Variants in MTA3 observed in about 807,000 individuals in gnomAD.
The protein encoded by MTA3 is metastasis-associated protein MTA3.
Under a neutral mutation model 83.5 loss-of-function variants are expected in MTA3, and 34 were observed. That is an observed-to-expected ratio of 0.41 (90% CI 0.31 to 0.54). The LOEUF is 0.54. MTA3 is among the 20% of genes least tolerant of loss of function. The probability of loss-of-function intolerance (pLI) is 0.33; values close to 1 mark genes in which losing one functional copy is unlikely to be tolerated. For synonymous variants in MTA3, 303 were observed against 252.7 expected (o/e 1.20, Z -1.89); for missense variants, 761 against 726.4 (o/e 1.05, Z -0.55).
Position 42,680,877 on chromosome 2 carries a change from T to C in MTA3, c.703-1524T>C, listed in dbSNP as rs554280752. On this transcript the variant is annotated intron_variant, in intron 8 of 16. Coordinates refer to ENST00000405094, the MANE Select transcript of MTA3 (RefSeq NM_001330442.2). ...AAGTGATTTTCTCATCTCAGACTCC[T>C]GAGTAGCTGGGATTACAGGCAATAT... is the stretch of plus-strand genomic sequence containing the variant. Among the ~76,000 whole-genome samples the C allele has an allele frequency of 6.6e-5, 10 of 151,704 alleles. No individual in the cohort carries two copies. The South Asian group carries it at 2.1e-3, about 32-fold the overall frequency.
At chr2:42,612,795 A>T (rs1684385136) in intron 4 of MTA3, among the ~76,000 whole-genome samples, 1 of 152,148 alleles carries the variant, frequency 6.6e-6, no homozygotes, top group African/African-American at 2.4e-5. Context: ...TGGGAGGTGA[A>T]GGTTGCAGTG....
intron 13 of MTA3, among the ~76,000 whole-genome samples, chr2:42,708,356 C>T (rs1273205256): frequency 6.6e-6 from 1 of 152,174 alleles, no homozygotes; most frequent in Non-Finnish European, 1.5e-5. Context: ...CCTTTACATT[C>T]TGTTGAAGGC....
chr2:42,546,177 G>T (rs1037015739), intron 2 of MTA3, among the ~76,000 whole-genome samples: 1 of 152,084 alleles, frequency 6.6e-6, no homozygotes, highest in Non-Finnish European at 1.5e-5. Context: ...CAATGGAGGC[G>T]CCTGGTGACT....
intron 16 of MTA3, among the ~76,000 whole-genome samples, chr2:42,753,103 T>A (rs1670005991): frequency 6.6e-6 from 1 of 152,170 alleles, no homozygotes. Context: ...CTTTTTATTT[T>A]TATTTTGGTA....
At chr2:42,581,614 C>T (rs565359675) in intron 3 of MTA3, among the ~76,000 whole-genome samples, 1 of 151,178 alleles carries the variant, frequency 6.6e-6, no homozygotes, top group Non-Finnish European at 1.5e-5. Context: ...AACTATTGGC[C>T]TCAAGCAGTC....
rs934623668 is a variant in MTA3 at position 42,574,131 on chromosome 2, C to T, written c.96+3627C>T. On this transcript the variant is annotated intron_variant, in intron 2 of 16. Transcript: ENST00000405094. ...GATTACAGGTGTGAGCCACCGCGCC[C>T]GGCTTTTTTTTTTTTTTTCTGAGGC... 1.4e-4 allele frequency among the ~76,000 whole-genome samples: 20 copies of T among 147,658 alleles called. No individual in the cohort carries two copies. In the East Asian group the frequency reaches 2.0e-3, roughly 15 times the overall value.
At position 42,756,528 on chromosome 2, in the gene MTA3, C is replaced by T; in HGVS notation, c.*3129C>T. 1 of 985,794 alleles carries T rather than the reference C, an allele frequency of 1.0e-6. No homozygotes were observed. Among genetic ancestry groups the T allele is most frequent in the African/African-American group, 1.7e-5 (1 of 57,352 alleles). The allele number at this position is 985,794 out of a possible 1,614,324, so 61.1% of individuals were successfully genotyped here. On this transcript the variant is annotated 3_prime_UTR_variant, in exon 17 of 17. Coordinates refer to ENST00000405094, the MANE Select transcript of MTA3 (RefSeq NM_001330442.2). ...ATGTCTGAGCCTGGTGTTTATGCCCCACTGCTGTCCTAAGTCCCTGGCGAG... is the reference window on the plus strand; with the variant it reads ...ATGTCTGAGCCTGGTGTTTATGCCCTACTGCTGTCCTAAGTCCCTGGCGAG...
intron 2 of MTA3, among the ~76,000 whole-genome samples, chr2:42,556,539 C>T (rs1049226747): frequency 1.3e-5 from 2 of 152,196 alleles, no homozygotes; most frequent in Non-Finnish European, 2.9e-5. Context: ...ATAATGCATC[C>T]GATCCCAGCA....
Position 42,756,127 on chromosome 2 carries a change from G to C in MTA3, c.*2728G>C, listed in dbSNP as rs1232266569. ...GGAGTGAGGGGCAACCCAGAGGTGG[G>C]GAACAACAACAGCAAGCCGCCCCCA... On this transcript the variant is annotated 3_prime_UTR_variant, in exon 17 of 17. Coordinates refer to ENST00000405094, the MANE Select transcript of MTA3 (RefSeq NM_001330442.2). 1.6e-6 allele frequency: 1 copy of C among 635,832 alleles called. No homozygotes were observed. The highest frequency in any genetic ancestry group is 2.0e-5 in the African/African-American group (1 of 50,574). 39.4% of individuals were successfully genotyped at this position (635,832 alleles called of 1,614,324 possible). A position where few individuals can be genotyped will look rare whatever the true frequency, so the allele number is the denominator to read the frequency against.
At position 42,550,876 on chromosome 2, in the gene MTA3, T is replaced by TA. The variant is rs201810782; in HGVS notation, c.-140-19560dup. Reference sequence around the variant, plus strand: ...GGCCAACATGGCGAAACCCCATCTCTACTAAAAATACAAAAATTAGCCGGG... The same window carrying TA: ...GGCCAACATGGCGAAACCCCATCTCTAACTAAAAATACAAAAATTAGCCGGG... On this transcript the variant is annotated intron_variant, in intron 2 of 17. Transcript: ENST00000405592. Among the ~76,000 whole-genome samples, 882 of 152,044 alleles carry TA rather than the reference T, an allele frequency of 5.8e-3. 6 individuals carry two copies. Among genetic ancestry groups the TA allele is most frequent in the African/African-American group, 0.02 (847 of 41,500 alleles).
intron 2 of MTA3, among the ~76,000 whole-genome samples, chr2:42,571,386 C>CAAAAAAAAAAAAAAAAAAAAAAAAAAA (rs34003791): frequency 1.6e-5 from 1 of 63,806 alleles, no homozygotes. Flanking sequence ...AACACTGTCT[C>CAAAAAAAAAAAAAAAAAAAAAAAAAAA]AAAAAAAAAA....
chr2:42,623,755 A>T (rs1159362865), intron 4 of MTA3, among the ~76,000 whole-genome samples: 10 of 150,296 alleles, frequency 6.7e-5, no homozygotes, highest in Non-Finnish European at 1.3e-4. Flanking sequence ...CAGTGGCACA[A>T]TCTCTGCTCA....
chr2:42,637,258 T>G (rs1039424368), intron 4 of MTA3, among the ~76,000 whole-genome samples: 1 of 152,218 alleles, frequency 6.6e-6, no homozygotes, highest in Non-Finnish European at 1.5e-5. Context: ...TACGAGTGAT[T>G]ATATGGGCCT....
intron 11 of MTA3, 101 bp from the exon 12 acceptor site, chr2:42,704,093 G>A (rs908786594): frequency 2.3e-5 from 30 of 1,309,648 alleles, no homozygotes; most frequent in Non-Finnish European, 3.1e-5. Context: ...TAAAATGTTT[G>A]TTTATGTTTA....
intron 9 of MTA3, among the ~76,000 whole-genome samples, chr2:42,686,793 C>T (rs1692407857): frequency 6.6e-6 from 1 of 151,812 alleles, no homozygotes; most frequent in South Asian, 2.1e-4. Context: ...CGCCACTGCA[C>T]TCCAGCCTGG....
At chr2:42,627,854 A>G (rs1686268984) in intron 4 of MTA3, among the ~76,000 whole-genome samples, 1 of 151,076 alleles carries the variant, frequency 6.6e-6, no homozygotes, top group Non-Finnish European at 1.5e-5. Context: ...CTGGGATTAC[A>G]GGCATGAGCC....
intron 8 of MTA3, among the ~76,000 whole-genome samples, chr2:42,671,449 G>A (rs576356634): frequency 4.6e-5 from 7 of 151,288 alleles, no homozygotes; most frequent in Admixed American, 1.3e-4. Context: ...AAAAAAAGTG[G>A]TACATATTCT....
intron 4 of MTA3, among the ~76,000 whole-genome samples, chr2:42,618,331 G>C (rs1685153661): frequency 6.6e-6 from 1 of 152,072 alleles, no homozygotes; most frequent in South Asian, 2.1e-4. Flanking sequence ...TAACTTAGGG[G>C]AACATATTTC....
Position 42,514,528 on chromosome 2 carries a change from C to T in MTA3, c.-141+19274C>T, listed in dbSNP as rs1050610644. 4.6e-5 allele frequency among the ~76,000 whole-genome samples: 7 copies of T among 151,494 alleles called. No homozygotes were observed. The East Asian group carries it at 9.7e-4, about 21-fold the overall frequency. ...CCTCCTGAGTGGCTGGGATTACAGG[C>T]GCCCACCACCACATCCAGCTAATTT... On this transcript the variant is annotated intron_variant, in intron 2 of 17. Coordinates refer to the MTA3 transcript ENST00000405592.
Sources: allele counts gnomAD v4.1 joint callset (sites outside exome capture counted in the v4.1 genomes callset), GRCh38; gene constraint gnomAD v4.1.1; transcripts MANE v1.5; gene names NCBI Gene and HGNC (gene_info 2026-07-23, HGNC 2026-07-21).